The following CD47 variants were observed in gnomAD, a reference collection of about 807,000 sequenced individuals.
CD47 encodes CD47 molecule.
A neutral mutation model predicts 44.6 loss-of-function variants in CD47; 11 were observed. The ratio of observed to expected loss-of-function variants is 0.25; its 90% CI spans 0.16 to 0.41. The LOEUF is 0.41. CD47 is among the 10% of genes least tolerant of loss of function. CD47 has a pLI of 1.00. For synonymous variants in CD47, 140 were observed against 136.3 expected, an observed-to-expected ratio of 1.03 and a Z score of -0.19; for missense variants, 306 against 386.7, an observed-to-expected ratio of 0.79 and a Z score of 1.75.
At chr3:108,077,613 A>G (rs2079333060) in intron 2 of CD47, among the ~76,000 whole-genome samples, 1 of 152,140 alleles carries the variant, frequency 6.6e-6, no homozygotes, top group Non-Finnish European at 1.5e-5. Context: ...GAGCAGTTTC[A>G]TTTGTAACAG....
At chr3:108,052,385 C>T (rs1256190924) in intron 7 of CD47, 1 of 172,418 alleles carries the variant, frequency 5.8e-6, no homozygotes, top group African/African-American at 2.4e-5. Context: ...TAGCTCACTG[C>T]TCCTGTGTCT....
chr3:108,045,695 G>C lies in CD47; in HGVS notation c.*1593C>G, dbSNP rs1489625037. On this transcript the variant is annotated 3_prime_UTR_variant, in exon 11 of 11. Coordinates refer to ENST00000361309, the MANE Select transcript of CD47 (RefSeq NM_001777.4). ...ATATGACAATCAATTTGGCATAAAA[G>C]AGGCACACGGGAACATCTGATGGAC... is the stretch of plus-strand genomic sequence containing the variant. 6.6e-6 allele frequency: 1 copy of C among 152,470 alleles called. No homozygotes were observed. Among genetic ancestry groups the C allele is most frequent in the East Asian group, 1.9e-4 (1 of 5,192 alleles). The allele number at this position is 152,470 out of a possible 1,614,324, so 9.4% of individuals were successfully genotyped here. A position where few individuals can be genotyped will look rare whatever the true frequency, so the allele number is the denominator to read the frequency against.
rs2078656160 is a variant in CD47 at position 108,043,108 on chromosome 3, T to C, written c.*4180A>G. 1 of 152,494 alleles carries C rather than the reference T, an allele frequency of 6.6e-6. No individual in the cohort carries two copies. Among genetic ancestry groups the C allele is most frequent in the Admixed American group, 6.5e-5 (1 of 15,280 alleles). The allele number at this position is 152,494 out of a possible 1,614,324, so 9.4% of individuals were successfully genotyped here. On this transcript the variant is annotated 3_prime_UTR_variant, in exon 11 of 11. Transcript: ENST00000361309. ...GAAACACATTGGACTGATTTAAAAC[T>C]TTTAATTAAAACTCTGCTCTAATTA...
At chr3:108,066,574 C>G (rs1035569072) in intron 3 of CD47, among the ~76,000 whole-genome samples, 1 of 152,212 alleles carries the variant, frequency 6.6e-6, no homozygotes, top group Non-Finnish European at 1.5e-5. Flanking sequence ...CATGCACAGA[C>G]AGCAAAGTAT....
At chr3:108,089,947 T>C (rs2079596543) in intron 1 of CD47, among the ~76,000 whole-genome samples, 1 of 143,480 alleles carries the variant, frequency 7.0e-6, no homozygotes, top group Admixed American at 7.4e-5. Context: ...TTGCTCAGTT[T>C]TTACAGACGA....
chr3:108,087,713 A>C (rs548035909), intron 1 of CD47, among the ~76,000 whole-genome samples: 1 of 152,306 alleles, frequency 6.6e-6, no homozygotes, highest in Admixed American at 6.5e-5. Context: ...ATGCACATTA[A>C]TTCTCCTAAT....
At chr3:108,057,024 G>C (rs1391594111) in intron 7 of CD47, among the ~76,000 whole-genome samples, 4 of 152,148 alleles carry the variant, frequency 2.6e-5, no homozygotes, top group Non-Finnish European at 5.9e-5. Context: ...GTCTATGTCT[G>C]CAAGAAAAAG....
At chr3:108,086,079 G>A (rs1430233310) in intron 1 of CD47, among the ~76,000 whole-genome samples, 3 of 152,082 alleles carry the variant, frequency 2.0e-5, no homozygotes, top group Non-Finnish European at 2.9e-5. Flanking sequence ...GCAGAGTAAC[G>A]TGTACAGCCA....
At chr3:108,069,183 T>C (rs1276874341) in intron 3 of CD47, among the ~76,000 whole-genome samples, 1 of 152,210 alleles carries the variant, frequency 6.6e-6, no homozygotes, top group East Asian at 1.9e-4. Flanking sequence ...AGTCTTAAAA[T>C]ATCTCTGCCA....
In CD47 at chr3:108,044,808, AG is replaced by A. The variant is rs1186784718; in HGVS notation, c.*2479del. ...CAAAAGTAGCTGGAAAGGTTGTTGC[AG>A]AAAAGGACAAATGGTGTCACTGTGA... is the stretch of plus-strand genomic sequence containing the variant. On this transcript the variant is annotated 3_prime_UTR_variant, in exon 11 of 11. Transcript: ENST00000361309. 6.6e-6 allele frequency: 1 copy of A among 152,558 alleles called. No individual in the cohort carries two copies. The highest frequency in any genetic ancestry group is 1.5e-5 in the Non-Finnish European group (1 of 68,050). 9.5% of individuals were successfully genotyped at this position (152,558 alleles called of 1,614,324 possible). A position where few individuals can be genotyped will look rare whatever the true frequency, so the allele number is the denominator to read the frequency against.
chr3:108,073,699 T>C (rs1388656073), intron 2 of CD47, among the ~76,000 whole-genome samples: 2 of 152,198 alleles, frequency 1.3e-5, no homozygotes, highest in African/African-American at 4.8e-5. Flanking sequence ...CTAAGAGCAA[T>C]GACAAGCGGC....
At chr3:108,049,361 T>C (rs2078782474) in intron 10 of CD47, among the ~76,000 whole-genome samples, 1 of 152,190 alleles carries the variant, frequency 6.6e-6, no homozygotes, top group African/African-American at 2.4e-5. Flanking sequence ...TGAAAAACAT[T>C]TTACAAAAAG....
At chr3:108,089,977 C>A (rs184119135) in intron 1 of CD47, among the ~76,000 whole-genome samples, 118 of 117,636 alleles carry the variant, frequency 1.0e-3, no homozygotes, top group Middle Eastern at 9.8e-3. Flanking sequence ...TTTACAAAAG[C>A]GAAATGGATT....
intron 2 of CD47, among the ~76,000 whole-genome samples, chr3:108,072,905 T>C (rs2079233388): frequency 6.6e-6 from 1 of 152,320 alleles, no homozygotes; most frequent in Middle Eastern, 3.4e-3. Flanking sequence ...CCCCTCCTTA[T>C]AGTTGTAGAA....
chr3:108,058,462 G>A (rs1299957972), intron 5 of CD47, 33 bp from the exon 6 acceptor site: 1 of 1,411,032 alleles, frequency 7.1e-7, no homozygotes, highest in Non-Finnish European at 9.8e-7. Flanking sequence ...ACAGAAGCAT[G>A]TCAAGAGTAT....
At chr3:108,069,248 A>C (rs975975293) in intron 3 of CD47, among the ~76,000 whole-genome samples, 24 of 152,148 alleles carry the variant, frequency 1.6e-4, no homozygotes, top group Non-Finnish European at 3.2e-4. Context: ...AAAAAATTGG[A>C]AACATCCTTA....
At position 108,049,659 on chromosome 3, in the gene CD47, T is replaced by G. The variant is rs749541707; in HGVS notation, c.935-8A>C. 6.2e-6 allele frequency: 10 copies of G among 1,600,606 alleles called. No individual in the cohort carries two copies. In the South Asian group the frequency reaches 9.9e-5, roughly 16 times the overall value. On this transcript the variant is annotated splice_polypyrimidine_tract_variant and splice_region_variant and intron_variant, in intron 9 of 10. Transcript: ENST00000361309. ...CTTTTGATTCTTTGAATGCTAGGAT[T>G]AGTAACAAGCCAAGCAGGCAGTTAG... is the stretch of plus-strand genomic sequence containing the variant.
intron 4 of CD47, among the ~76,000 whole-genome samples, chr3:108,060,071 C>T (rs2078984343): frequency 6.6e-6 from 1 of 152,188 alleles, no homozygotes; most frequent in South Asian, 2.1e-4. Flanking sequence ...CCTCATTTCC[C>T]ACTCACATTC....
At chr3:108,061,004 T>A (rs960908130) in intron 3 of CD47, 152 bp from the exon 4 acceptor site, 8 of 588,584 alleles carry the variant, frequency 1.4e-5, no homozygotes, top group African/African-American at 1.9e-5. Flanking sequence ...ACCTCACATC[T>A]CTTTCATAAG....
Sources: gnomAD v4.1 joint callset for allele counts (sites outside exome capture counted in the v4.1 genomes callset) on GRCh38, gnomAD v4.1.1 for gene constraint, MANE v1.5 for transcripts, NCBI Gene and HGNC (gene_info 2026-07-23, HGNC 2026-07-21) for gene names.